The following TGFBR3 variants were observed in gnomAD, a reference collection of about 807,000 sequenced individuals.
TGFBR3 encodes the protein transforming growth factor beta receptor 3.
Under a neutral mutation model 87.9 loss-of-function variants are expected in TGFBR3, and 46 were observed. The ratio of observed to expected loss-of-function variants is 0.52; its 90% CI spans 0.41 to 0.67. The LOEUF is 0.67. Ranked by LOEUF, TGFBR3 falls within the 30% of genes least tolerant of loss-of-function variation. The pLI is 0.00. For missense variants in TGFBR3, 866 were observed against 1,041.9 expected (o/e 0.83, Z 2.32); for synonymous variants, 381 against 391.6 (o/e 0.97, Z 0.32).
chr1:91,703,149 T>G (rs962615963), intron 14 of TGFBR3, among the ~76,000 whole-genome samples: 1 of 152,162 alleles, frequency 6.6e-6, no homozygotes, highest in African/African-American at 2.4e-5. Context: ...GTCTGTCAAT[T>G]AAGCATTTCT....
intron 4 of TGFBR3, among the ~76,000 whole-genome samples, chr1:91,740,903 AT>A (rs1673138334): frequency 1.3e-5 from 2 of 152,218 alleles, no homozygotes; most frequent in African/African-American, 4.8e-5. Context: ...TTTGTCTAAT[AT>A]GAGAAAGGGT....
chr1:91,896,808 A>G (rs1340468129), intron 2 of TGFBR3, among the ~76,000 whole-genome samples: 1 of 152,068 alleles, frequency 6.6e-6, no homozygotes, highest in East Asian at 1.9e-4. Flanking sequence ...CCTTCTAGAG[A>G]AGGAAAAGTA....
chr1:91,878,267 T>C (rs531789798), intron 1 of TGFBR3, among the ~76,000 whole-genome samples: 11 of 143,544 alleles, frequency 7.7e-5, no homozygotes, highest in African/African-American at 2.0e-4. Context: ...TCAAATAACC[T>C]TCCAGAATGA....
chr1:91,716,841 A>G, intron 10 of TGFBR3, 133 bp from the exon 11 acceptor site: 1 of 1,134,132 alleles, frequency 8.8e-7, no homozygotes, highest in East Asian at 2.3e-5. Flanking sequence ...AAATAATAAA[A>G]TAACATCCAG....
chr1:91,842,015 C>T (rs940163383), intron 2 of TGFBR3, among the ~76,000 whole-genome samples: 2 of 150,842 alleles, frequency 1.3e-5, no homozygotes, highest in African/African-American at 2.4e-5. Context: ...GTAAGAGGAT[C>T]ACTTGAGACT....
At chr1:91,886,590 T>C (rs947440343), upstream of TGFBR3, among the ~76,000 whole-genome samples, 4 of 152,200 alleles carry the variant, frequency 2.6e-5, no homozygotes, top group African/African-American at 9.6e-5. Flanking sequence ...TTCCTTGGTC[T>C]TTATATAAAA....
At chr1:91,883,714 G>A (rs910965788) in intron 1 of TGFBR3, among the ~76,000 whole-genome samples, 7 of 151,808 alleles carry the variant, frequency 4.6e-5, no homozygotes, top group African/African-American at 1.2e-4. Flanking sequence ...CAAAGCTGCC[G>A]TGTAACGGTC....
At chr1:91,714,729 C>A (rs1160086052) in intron 12 of TGFBR3, among the ~76,000 whole-genome samples, 3 of 152,204 alleles carry the variant, frequency 2.0e-5, no homozygotes, top group African/African-American at 7.2e-5. Flanking sequence ...CCCCTGAAAT[C>A]CACAGCGCAA....
chr1:91,781,340 G>A (rs1257053107), intron 3 of TGFBR3, among the ~76,000 whole-genome samples: 1 of 152,206 alleles, frequency 6.6e-6, no homozygotes, highest in African/African-American at 2.4e-5. Context: ...GAAAGGAAAA[G>A]CTAGAGAACA....
intron 2 of TGFBR3, among the ~76,000 whole-genome samples, chr1:91,806,183 G>T (rs1243471474): frequency 6.6e-6 from 1 of 152,150 alleles, no homozygotes; most frequent in Non-Finnish European, 1.5e-5. Flanking sequence ...GGACACATGG[G>T]AAACGTTCCT....
chr1:91,774,329 G>C (rs563677774), intron 3 of TGFBR3, among the ~76,000 whole-genome samples: 1 of 151,942 alleles, frequency 6.6e-6, no homozygotes, highest in African/African-American at 2.4e-5. Flanking sequence ...TAGAGATGGG[G>C]TTTCACTATG....
At chr1:91,686,556 G>C (rs1671096074) in intron 16 of TGFBR3, among the ~76,000 whole-genome samples, 1 of 152,124 alleles carries the variant, frequency 6.6e-6, no homozygotes, top group South Asian at 2.1e-4. Flanking sequence ...TAAGATGCAA[G>C]GTTTCTCAAT....
intron 2 of TGFBR3, among the ~76,000 whole-genome samples, chr1:91,832,186 T>C (rs901556270): frequency 2.6e-5 from 4 of 152,180 alleles, no homozygotes; most frequent in African/African-American, 9.7e-5. Context: ...TCCTAGTCCA[T>C]CATTAACCAA....
intron 3 of TGFBR3, among the ~76,000 whole-genome samples, chr1:91,762,542 C>T (rs892560973): frequency 1.3e-5 from 2 of 152,306 alleles, no homozygotes; most frequent in Non-Finnish European, 2.9e-5. Flanking sequence ...TCGTGAAACC[C>T]GTACTTTGAC....
chr1:91,796,319 T>C (rs977749890), intron 3 of TGFBR3, among the ~76,000 whole-genome samples: 1 of 152,214 alleles, frequency 6.6e-6, no homozygotes, highest in African/African-American at 2.4e-5. Flanking sequence ...CAAATAAGTT[T>C]TCTGCACCTG....
intron 3 of TGFBR3, among the ~76,000 whole-genome samples, chr1:91,770,514 A>G (rs981582794): frequency 6.6e-6 from 1 of 152,312 alleles, no homozygotes; most frequent in Admixed American, 6.5e-5. Context: ...TCATGGATTT[A>G]TAAGAGGCTT....
intron 2 of TGFBR3, among the ~76,000 whole-genome samples, chr1:91,841,101 G>A (rs544944020): frequency 1.6e-4 from 24 of 152,180 alleles, no homozygotes; most frequent in African/African-American, 5.3e-4. Flanking sequence ...GTGAGCCCCC[G>A]CGCCCGGCTC....
chr1:91,709,970 G>T (rs999263786), intron 13 of TGFBR3, among the ~76,000 whole-genome samples: 6 of 152,100 alleles, frequency 3.9e-5, no homozygotes, highest in African/African-American at 1.4e-4. Flanking sequence ...TGCTGACCAG[G>T]CTGGTCTCGA....
chr1:91,880,732 A>G (rs1400818456), intron 1 of TGFBR3, among the ~76,000 whole-genome samples: 1 of 152,014 alleles, frequency 6.6e-6, no homozygotes, highest in Non-Finnish European at 1.5e-5. Context: ...TAAATCTGAC[A>G]GCCAGGAGCA....
Sources: gnomAD v4.1 joint callset for allele counts (sites outside exome capture counted in the v4.1 genomes callset) on GRCh38, gnomAD v4.1.1 for gene constraint, MANE v1.5 for transcripts, NCBI Gene and HGNC (gene_info 2026-07-23, HGNC 2026-07-21) for gene names.